CAPN3: variants seen among roughly 807,000 people sequenced by gnomAD.
CAPN3 encodes calpain 3, also known as calpain-3.
CAPN3 carries 88 observed loss-of-function variants against 114.0 expected under a neutral mutation model. The observed-to-expected ratio is 0.77, with a 90% CI of 0.65 to 0.92. CAPN3 has a LOEUF of 0.92. Among genes scored for constraint, CAPN3 ranks in the 40% least tolerant of loss-of-function variants. The pLI is 0.00. For missense variants in CAPN3, 1,028 were observed against 1,069.0 expected (o/e 0.96, Z 0.53); for synonymous variants, 386 against 382.9 (o/e 1.01, Z -0.09).
intron 22 of CAPN3, 71 bp from the exon 23 acceptor site, chr15:42,411,216 T>G: frequency 1.5e-6 from 2 of 1,322,178 alleles, no homozygotes; most frequent in Non-Finnish European, 2.2e-6. Context: ...CATGGTCCTC[T>G]GAGGGGAAGT....
intron 16 of CAPN3, chr15:42,409,100 G>A (rs574552193): frequency 4.1e-4 from 251 of 605,014 alleles, no homozygotes; most frequent in Non-Finnish European, 6.7e-4. Context: ...GGCTGGGGGC[G>A]TCAGGGCTGG....
At position 42,399,554 on chromosome 15, in the gene CAPN3, A is replaced by G. The variant is rs886042895; in HGVS notation, c.1256A>G (p.Asp419Gly). The G allele has an allele frequency of 2.5e-5, 40 of 1,613,644 alleles. No individual in the cohort carries two copies. Among genetic ancestry groups the G allele is most frequent in the Non-Finnish European group, 3.3e-5 (39 of 1,179,632 alleles). The change falls in exon 10 of 24, where the codon GAT (aspartate) becomes GGT (glycine). Residue 419 changes from aspartate to glycine, a missense_variant. Transcript: ENST00000397163. ...TTGGAGATCTGCAACCTCACGGCCG[A>G]TGCTCTGCAGTCTGACAAGCTTCAG... is the stretch of plus-strand genomic sequence containing the variant. ...TKLEICNLTA[D>G]ALQSDKLQTW...
intron 1 of CAPN3, among the ~76,000 whole-genome samples, chr15:42,365,605 C>T (rs1320335748): frequency 7.9e-5 from 12 of 152,262 alleles, no homozygotes; most frequent in Non-Finnish European, 1.8e-4. Flanking sequence ...TCACCTCTTT[C>T]CCTCAACTCC....
intron 10 of CAPN3, among the ~76,000 whole-genome samples, chr15:42,401,358 G>T (rs970941328): frequency 6.6e-6 from 1 of 151,614 alleles, no homozygotes; most frequent in Non-Finnish European, 1.5e-5. Flanking sequence ...CACCAACAGC[G>T]TTTAAGGGGC....
At chr15:42,393,098 G>T (rs1325502056) in intron 7 of CAPN3, among the ~76,000 whole-genome samples, 1 of 152,188 alleles carries the variant, frequency 6.6e-6, no homozygotes, top group Non-Finnish European at 1.5e-5. Context: ...ACTGGTTCCA[G>T]AAGCCCCAAC....
chr15:42,405,891 T>G, intron 14 of CAPN3, 35 bp from the exon 15 acceptor site: 1 of 1,592,646 alleles, frequency 6.3e-7, no homozygotes, highest in African/African-American at 1.3e-5. Context: ...TACTTTTCAC[T>G]TATTCTGCAT....
At chr15:42,389,346 G>A (rs2053491967) in intron 5 of CAPN3, among the ~76,000 whole-genome samples, 1 of 152,228 alleles carries the variant, frequency 6.6e-6, no homozygotes. Context: ...CCAGAGGCCT[G>A]TGTCAGTGGA....
Position 42,399,419 on chromosome 15 carries a change from G to A in CAPN3, c.1194-73G>A, listed in dbSNP as rs964813855. ...ACTATTTTATTATTGTGCTGTGTTA[G>A]TCCTGGGGTCTTCCGTTCCCAGCCC... is the stretch of plus-strand genomic sequence containing the variant. On this transcript the variant is annotated intron_variant, in intron 9 of 23. Coordinates refer to ENST00000397163, the MANE Select transcript of CAPN3 (RefSeq NM_000070.3). The A allele has an allele frequency of 2.0e-5, 23 of 1,146,888 alleles. No individual in the cohort carries two copies. In the South Asian group the frequency reaches 2.8e-4, roughly 14 times the overall value. 71.0% of individuals were successfully genotyped at this position (1,146,888 alleles called of 1,614,324 possible).
chr15:42,407,664 G>A (rs557103302), intron 15 of CAPN3, among the ~76,000 whole-genome samples: 1 of 152,276 alleles, frequency 6.6e-6, no homozygotes, highest in Non-Finnish European at 1.5e-5. Flanking sequence ...GCAGGGCTGG[G>A]ATTCCAGCCC....
chr15:42,380,932 A>G (rs1030817214), intron 1 of CAPN3, among the ~76,000 whole-genome samples: 3 of 150,948 alleles, frequency 2.0e-5, no homozygotes, highest in South Asian at 2.1e-4. Flanking sequence ...TATTTTTTCA[A>G]TTCTAGTGGT....
intron 8 of CAPN3, among the ~76,000 whole-genome samples, chr15:42,396,316 C>G (rs1188042520): frequency 6.7e-6 from 1 of 150,268 alleles, no homozygotes; most frequent in East Asian, 2.0e-4. Flanking sequence ...GATCTTGGCT[C>G]ACTGCAACCT....
intron 1 of CAPN3, among the ~76,000 whole-genome samples, chr15:42,375,220 C>T (rs1221225942): frequency 2.0e-5 from 3 of 151,648 alleles, no homozygotes; most frequent in Non-Finnish European, 4.4e-5. Context: ...TACTAAGGCT[C>T]ACAGTTTCCG....
chr15:42,381,164 A>C (rs1414482271), intron 1 of CAPN3, among the ~76,000 whole-genome samples: 1 of 152,172 alleles, frequency 6.6e-6, no homozygotes, highest in Non-Finnish European at 1.5e-5. Context: ...CCTTTAGATT[A>C]AGAATTTAAA....
chr15:42,389,737 A>G (rs28364424), intron 5 of CAPN3, among the ~76,000 whole-genome samples: 291 of 152,292 alleles, frequency 1.9e-3, no homozygotes, highest in Middle Eastern at 6.8e-3. Flanking sequence ...AACACGCCCA[A>G]TGGACAGCTT....
chr15:42,403,620 G>A (rs2141204952), intron 13 of CAPN3, 121 bp from the exon 14 acceptor site: 1 of 891,122 alleles, frequency 1.1e-6, no homozygotes, highest in Non-Finnish European at 1.9e-6. Context: ...GTGTTCCAGG[G>A]GTTCTCTAGA....
Position 42,410,905 on chromosome 15 carries a change from T to TC in CAPN3, c.2286dup (p.Tyr763LeufsTer2). ...ACAGGATTCCACCTCAACAACCAGCTCTATGACATCATTACCATGCGGTAC... is the reference window on the plus strand; with the variant it reads ...ACAGGATTCCACCTCAACAACCAGCTCCTATGACATCATTACCATGCGGTAC... On this transcript the variant is annotated frameshift_variant, in exon 22 of 24. Coordinates refer to ENST00000397163, the MANE Select transcript of CAPN3 (RefSeq NM_000070.3). LOFTEE classifies it high-confidence loss of function. 6.2e-7 allele frequency: 1 copy of TC among 1,614,076 alleles called. No individual in the cohort carries two copies. Among genetic ancestry groups the TC allele is most frequent in the Non-Finnish European group, 8.5e-7 (1 of 1,179,930 alleles).
intron 9 of CAPN3, among the ~76,000 whole-genome samples, chr15:42,397,505 G>T (rs1452300489): frequency 6.6e-6 from 1 of 152,080 alleles, no homozygotes; most frequent in Non-Finnish European, 1.5e-5. Context: ...GTAGCCGGGC[G>T]TGGCAGCGTG....
chr15:42,360,495 A>T (rs28364369), intron 1 of CAPN3, among the ~76,000 whole-genome samples: 1 of 152,082 alleles, frequency 6.6e-6, no homozygotes, highest in African/African-American at 2.4e-5. Context: ...CGTTTTAAAT[A>T]TTATTCATCT....
chr15:42,381,124 A>G (rs2053240445), intron 1 of CAPN3, among the ~76,000 whole-genome samples: 1 of 152,084 alleles, frequency 6.6e-6, no homozygotes, highest in African/African-American at 2.4e-5. Context: ...TGCCCAATAC[A>G]TTGTTTTTAT....
Sources: gnomAD v4.1 joint callset for allele counts (sites outside exome capture counted in the v4.1 genomes callset) on GRCh38, gnomAD v4.1.1 for gene constraint, MANE v1.5 for transcripts, NCBI Gene and HGNC (gene_info 2026-07-23, HGNC 2026-07-21) for gene names.